The following BEST3 variants were observed in gnomAD, a reference collection of about 807,000 sequenced individuals.
The protein encoded by BEST3 is bestrophin-3.
In BEST3, 50 loss-of-function variants were observed where a neutral mutation model predicts 47.1. The observed-to-expected ratio is 1.06, with a 90% confidence interval of 0.85 to 1.34. The LOEUF (loss-of-function observed/expected upper bound fraction) is 1.34, where lower values mean the gene tolerates loss of function less well. Ranked by LOEUF, BEST3 falls within the 40% of genes most tolerant of loss-of-function variation. BEST3 has a pLI of 0.00. For missense variants in BEST3, 765 were observed against 817.0 expected, an observed-to-expected ratio of 0.94 and a Z score of 0.78; for synonymous variants, 282 against 298.8, an observed-to-expected ratio of 0.94 and a Z score of 0.58.
At chr12:69,656,122 G>A (rs73327725) in intron 9 of BEST3, among the ~76,000 whole-genome samples, 3,314 of 152,234 alleles carry the variant, frequency 0.022, 103 homozygotes, top group African/African-American at 0.076. Context: ...CACACATTCC[G>A]TTGACTGCTA....
chr12:69,656,405 T>G (rs1472958232), intron 9 of BEST3, among the ~76,000 whole-genome samples: 1 of 150,902 alleles, frequency 6.6e-6, no homozygotes, highest in African/African-American at 2.5e-5. Context: ...CTATCTGTCA[T>G]CTAGTATATG....
downstream of BEST3, among the ~76,000 whole-genome samples, chr12:69,649,112 A>G (rs1000997793): frequency 5.3e-5 from 8 of 152,184 alleles, no homozygotes; most frequent in Non-Finnish European, 1.2e-4. Context: ...CCCGTGCCTC[A>G]GCCTCCCAAG....
chr12:69,697,532 G>A (rs1886176829), intron 2 of BEST3, 115 bp downstream of exon 2: 13 of 778,442 alleles, frequency 1.7e-5, no homozygotes, highest in African/African-American at 5.4e-5. Context: ...AGAGGCTCAC[G>A]CAAAAAAGGA....
intron 9 of BEST3, among the ~76,000 whole-genome samples, chr12:69,663,422 C>A (rs1054144798): frequency 6.6e-6 from 1 of 152,220 alleles, no homozygotes; most frequent in Non-Finnish European, 1.5e-5. Flanking sequence ...TTTGGGTATA[C>A]TTCCTCGCTG....
intron 4 of BEST3, among the ~76,000 whole-genome samples, chr12:69,680,641 T>C (rs1447977096): frequency 6.6e-6 from 1 of 152,020 alleles, no homozygotes; most frequent in Non-Finnish European, 1.5e-5. Context: ...ACTGAATAAT[T>C]CAAATGGTAC....
chr12:69,683,695 T>C (rs1391825016), intron 4 of BEST3: 2 of 152,242 alleles, frequency 1.3e-5, no homozygotes, highest in Non-Finnish European at 2.9e-5. Context: ...CTTCCTACAA[T>C]GCATAAAACC....
chr12:69,669,289 A>G (rs1884418381), intron 9 of BEST3, among the ~76,000 whole-genome samples: 1 of 152,204 alleles, frequency 6.6e-6, no homozygotes. Context: ...CCTCATTTAT[A>G]CAGAAAATCA....
At chr12:69,676,413 G>A (rs1380292539) in intron 7 of BEST3, among the ~76,000 whole-genome samples, 4 of 129,536 alleles carry the variant, frequency 3.1e-5, no homozygotes, top group African/African-American at 1.2e-4. Context: ...TCTGTCTCAG[G>A]GAAAGTAAAA....
Position 69,655,823 on chromosome 12 carries a change from A to G in BEST3, c.1101-10T>C. 1 of 1,595,860 alleles carries G rather than the reference A, an allele frequency of 6.3e-7. No homozygotes were observed. Among genetic ancestry groups the G allele is most frequent in the Non-Finnish European group, 8.6e-7 (1 of 1,168,506 alleles). On this transcript the variant is annotated splice_polypyrimidine_tract_variant and intron_variant, in intron 9 of 9. Coordinates refer to ENST00000330891, the MANE Select transcript of BEST3 (RefSeq NM_032735.3). ...GTCGGACCCAGACAGCCTGAAACAC[A>G]CAATGACAAGATCCAGGCAGAGTAG...
At chr12:69,686,786 A>AAAAAAAAAAAAAAAG (rs371159662) in intron 4 of BEST3, among the ~76,000 whole-genome samples, 5 of 143,336 alleles carry the variant, frequency 3.5e-5, no homozygotes, top group Middle Eastern at 3.7e-3. Context: ...AAACAAAAAA[A>AAAAAAAAAAAAAAAG]AAAGAAAGAA....
At chr12:69,680,204 G>T (rs1321655717) in intron 4 of BEST3, among the ~76,000 whole-genome samples, 2 of 151,782 alleles carry the variant, frequency 1.3e-5, no homozygotes, top group Admixed American at 1.3e-4. Flanking sequence ...CTGAATAAGA[G>T]GAATAAGGTA....
At chr12:69,698,808 T>C (rs1187127071) in intron 1 of BEST3, among the ~76,000 whole-genome samples, 1 of 152,226 alleles carries the variant, frequency 6.6e-6, no homozygotes, top group Non-Finnish European at 1.5e-5. Context: ...CCTAAGGAAA[T>C]GAAACTCTGG....
In BEST3 at chr12:69,693,744, C is replaced by T. The variant is rs149119659; in HGVS notation, c.411G>A (p.Leu137=). The change falls in exon 4 of 10, where the codon CTG becomes CTA. Residue 137 remains leucine, a synonymous_variant. Transcript: ENST00000330891. ...CAGTGCTCACCGAGCGAAAGATGAGCAGGGAGGTGAGATTGACGTAGCGCA... is the reference window on the plus strand; with the variant it reads ...CAGTGCTCACCGAGCGAAAGATGAGTAGGGAGGTGAGATTGACGTAGCGCA... ...TLMRYVNLTS[L]LIFRSVSTAV... 161 of 1,614,092 alleles carry T rather than the reference C, an allele frequency of 1.0e-4. 2 individuals are homozygous for T. Among genetic ancestry groups the T allele is most frequent in the Middle Eastern group, 8.3e-4 (5 of 6,044 alleles).
intron 4 of BEST3, among the ~76,000 whole-genome samples, chr12:69,691,820 C>G (rs978338408): frequency 1.6e-4 from 25 of 152,134 alleles, no homozygotes; most frequent in African/African-American, 6.0e-4. Context: ...GGCCTGGTTG[C>G]TGAAACTGCC....
In BEST3 at chr12:69,655,070, G is replaced by C. The variant is rs779828149; in HGVS notation, c.1844C>G (p.Pro615Arg). The C allele has an allele frequency of 1.1e-5, 17 of 1,614,168 alleles. No homozygotes were observed. The highest frequency in any genetic ancestry group is 1.3e-5 in the Non-Finnish European group (15 of 1,180,018). Residue 615 changes from proline (P) to arginine (R), a missense_variant, in exon 10 of 10, where the codon CCA becomes CGA. Pro to Arg is a moderately radical substitution (Grantham distance 103, BLOSUM62 -2). Transcript: ENST00000330891. ...TGTTTCTGTGTCAATTAAAAGAGCTGGCTGAGAGCTCATGGGGTCTGGACT... is the reference window on the plus strand; with the variant it reads ...TGTTTCTGTGTCAATTAAAAGAGCTCGCTGAGAGCTCATGGGGTCTGGACT... ...NLSPDPMSSQ[P>R]ALLIDTETSS...
At chr12:69,695,482 C>T (rs1328834952) in intron 2 of BEST3, among the ~76,000 whole-genome samples, 1 of 152,104 alleles carries the variant, frequency 6.6e-6, no homozygotes, top group Non-Finnish European at 1.5e-5. Context: ...CCTGCCCCAG[C>T]TTTGGAAGAG....
At chr12:69,678,404 C>G (rs1885050275) in intron 5 of BEST3, among the ~76,000 whole-genome samples, 1 of 152,124 alleles carries the variant, frequency 6.6e-6, no homozygotes, top group Non-Finnish European at 1.5e-5. Context: ...GATCCTGGAG[C>G]CAGGTATGGC....
rs529255316 is a variant in BEST3, at chr12:69,663,826, A to C, written c.1100+7602T>G. ...TGACAGAGGGAGTCCCTGTCTCAAA[A>C]ATACAAAAGGCAAAAACCAAACAAA... On this transcript the variant is annotated intron_variant, in intron 9 of 9. Transcript: ENST00000330891. Among the ~76,000 whole-genome samples the C allele has an allele frequency of 7.2e-5, 11 of 152,300 alleles. No homozygotes were observed. In the South Asian group the frequency reaches 1.7e-3, roughly 23 times the overall value.
At chr12:69,675,249 A>G (rs1446835668) in intron 7 of BEST3, among the ~76,000 whole-genome samples, 1 of 151,636 alleles carries the variant, frequency 6.6e-6, no homozygotes, top group African/African-American at 2.4e-5. Context: ...CCTCCCACGT[A>G]TGTGGGACTG....
Sources: gnomAD v4.1 joint callset for allele counts (sites outside exome capture counted in the v4.1 genomes callset) on GRCh38, gnomAD v4.1.1 for gene constraint, MANE v1.5 for transcripts, NCBI Gene and HGNC (gene_info 2026-07-23, HGNC 2026-07-21) for gene names.